RNF17: variants seen among roughly 807,000 people sequenced by gnomAD.
RNF17 encodes spermatogenesis associated 23.
RNF17 carries 31 observed loss-of-function variants against 200.5 expected under a neutral mutation model. That is an observed-to-expected ratio of 0.15 (90% CI 0.12 to 0.21). The LOEUF (loss-of-function observed/expected upper bound fraction) is 0.21. Ranked by LOEUF, RNF17 falls within the 10% of genes least tolerant of loss-of-function variation. RNF17 has a pLI of 1.00. For missense variants in RNF17, 1,628 were observed against 1,905.1 expected, an observed-to-expected ratio of 0.85 and a Z score of 2.71; for synonymous variants, 606 against 637.8, an observed-to-expected ratio of 0.95 and a Z score of 0.75.
chr13:24,818,350 A>G (rs1192479406), intron 15 of RNF17, among the ~76,000 whole-genome samples: 2 of 152,148 alleles, frequency 1.3e-5, no homozygotes, highest in African/African-American at 2.4e-5. Context: ...AAGAAAAGGT[A>G]TATTTTACTA....
intron 6 of RNF17, among the ~76,000 whole-genome samples, chr13:24,786,331 A>G (rs552127896): frequency 1.3e-5 from 2 of 152,224 alleles, no homozygotes; most frequent in African/African-American, 2.4e-5. Context: ...TATTTTTTCG[A>G]TGTCACAAAT....
chr13:24,753,805 C>T, the RNF17 span, among the ~76,000 whole-genome samples: 5 of 152,092 alleles, frequency 3.3e-5, no homozygotes, highest in Non-Finnish European at 7.4e-5. Context: ...GTTGCACATG[C>T]TGGAGTACAG....
downstream of RNF17, among the ~76,000 whole-genome samples, chr13:24,882,111 G>GATACATCTATATATATAGATACATCTAT (rs1566273412): frequency 4.4e-4 from 2 of 4,588 alleles, 1 homozygote; most frequent in African/African-American, 6.0e-4. Flanking sequence ...CATCTATATA[G>GATACATCTATATATATAGATACATCTAT]ATATATAGAT....
chr13:24,807,569 C>A (rs1313334784), intron 15 of RNF17, among the ~76,000 whole-genome samples: 1 of 152,048 alleles, frequency 6.6e-6, no homozygotes, highest in Non-Finnish European at 1.5e-5. Context: ...GAGTAGGTTG[C>A]GAAAATTTTC....
At chr13:24,872,651 G>C (rs1229025190) in intron 32 of RNF17, among the ~76,000 whole-genome samples, 1 of 152,142 alleles carries the variant, frequency 6.6e-6, no homozygotes, top group Non-Finnish European at 1.5e-5. Flanking sequence ...ACCAAGTAGA[G>C]TATGAAAAGA....
At chr13:24,858,876 A>T (rs1054886493) in intron 25 of RNF17, 125 bp from the exon 26 acceptor site, 2 of 612,540 alleles carry the variant, frequency 3.3e-6, no homozygotes, top group Non-Finnish European at 5.6e-6. Context: ...ACACACACAG[A>T]TTTTTACAAA....
the RNF17 span, among the ~76,000 whole-genome samples, chr13:24,748,752 T>TG: frequency 1.7e-5 from 2 of 121,002 alleles, no homozygotes; most frequent in South Asian, 2.8e-4. Flanking sequence ...TTTTGTTTTT[T>TG]GTTTTTTTTT....
At chr13:24,866,738 A>G (rs541271193) in intron 30 of RNF17, among the ~76,000 whole-genome samples, 145 of 72,488 alleles carry the variant, frequency 2.0e-3, no homozygotes, top group African/African-American at 7.0e-3. Context: ...CTGATCAGGT[A>G]CAAGTTTTTA....
In RNF17 at chr13:24,800,302, TG is replaced by T. The variant is rs1885091590; in HGVS notation, c.1590-59del. 4.3e-6 allele frequency: 5 copies of T among 1,162,332 alleles called. No individual in the cohort carries two copies. In the South Asian group the frequency reaches 8.9e-5, roughly 21 times the overall value. 72.0% of individuals were successfully genotyped at this position (1,162,332 alleles called of 1,614,324 possible). ...TATACTTAGAAATGCATACCTTCTG[TG>T]GGGGAAAACAAATTTAAGTTTGAAG... On this transcript the variant is annotated intron_variant, in intron 12 of 35. Transcript: ENST00000255324.
the RNF17 span, chr13:24,886,125 TAAAC>T: frequency 4.9e-5 from 20 of 409,912 alleles, no homozygotes; most frequent in Middle Eastern, 2.8e-3. Flanking sequence ...CATTACAAAA[TAAAC>T]ACGCCCCCAC....
Position 24,851,591 on chromosome 13 carries a change from A to AT in RNF17, c.3320+24dup. On this transcript the variant is annotated intron_variant, in intron 24 of 35. Transcript: ENST00000255324. Reference sequence around the variant, plus strand: ...AAGGAGGTATAGACTTTTTTAAAAAATTTTGACATCAGTTTGTGATGGATG... The same window carrying AT: ...AAGGAGGTATAGACTTTTTTAAAAAATTTTTGACATCAGTTTGTGATGGATG... 6.6e-7 allele frequency: 1 copy of AT among 1,519,612 alleles called. No individual in the cohort carries two copies. The highest frequency in any genetic ancestry group is 9.0e-7 in the Non-Finnish European group (1 of 1,107,480). The allele number at this position is 1,519,612 out of a possible 1,614,324, so 94.1% of individuals were successfully genotyped here. A position where few individuals can be genotyped will look rare whatever the true frequency, so the allele number is the denominator to read the frequency against.
chr13:24,764,614 A>G (rs940481871), intron 1 of RNF17, among the ~76,000 whole-genome samples: 1 of 151,960 alleles, frequency 6.6e-6, no homozygotes, highest in Non-Finnish European at 1.5e-5. Context: ...GCTTTAATCT[A>G]CTCCTCACAA....
At chr13:24,769,442 G>A (rs1252288579) in intron 2 of RNF17, among the ~76,000 whole-genome samples, 1 of 152,154 alleles carries the variant, frequency 6.6e-6, no homozygotes, top group African/African-American at 2.4e-5. Flanking sequence ...GTTAGCCGAG[G>A]TAATTGACAA....
At chr13:24,814,085 G>A (rs1291390084) in intron 15 of RNF17, among the ~76,000 whole-genome samples, 1 of 152,002 alleles carries the variant, frequency 6.6e-6, no homozygotes, top group Non-Finnish European at 1.5e-5. Flanking sequence ...CATTCTTAAA[G>A]TAAGCTAGAG....
At chr13:24,821,925 G>A (rs1888104447) in intron 15 of RNF17, among the ~76,000 whole-genome samples, 1 of 152,180 alleles carries the variant, frequency 6.6e-6, no homozygotes, top group African/African-American at 2.4e-5. Flanking sequence ...GGACACACAT[G>A]AGGAGTTTAG....
intron 33 of RNF17, 120 bp from the exon 34 acceptor site, chr13:24,876,877 G>A (rs911549288): frequency 2.7e-5 from 19 of 699,090 alleles, no homozygotes; most frequent in East Asian, 8.9e-5. Context: ...TTTTGGTGTC[G>A]TATCCAAAAA....
intron 2 of RNF17, among the ~76,000 whole-genome samples, chr13:24,769,164 T>C: frequency 6.6e-6 from 1 of 151,624 alleles, no homozygotes; most frequent in East Asian, 1.9e-4. Flanking sequence ...ACTGTCTGTG[T>C]CCATATCCGT....
intron 2 of RNF17, among the ~76,000 whole-genome samples, chr13:24,773,484 G>A (rs572514697): frequency 4.5e-4 from 68 of 152,294 alleles, no homozygotes; most frequent in Non-Finnish European, 7.1e-4. Flanking sequence ...TTCACTTCAA[G>A]TGGGAGCTAA....
chr13:24,861,710 T>A (rs1893119314), intron 27 of RNF17, among the ~76,000 whole-genome samples: 1 of 152,204 alleles, frequency 6.6e-6, no homozygotes, highest in Admixed American at 6.5e-5. Flanking sequence ...TCTTATTCTG[T>A]ATTGCTGCAT....
Sources: allele counts gnomAD v4.1 joint callset (sites outside exome capture counted in the v4.1 genomes callset), GRCh38; gene constraint gnomAD v4.1.1; transcripts MANE v1.5; gene names NCBI Gene and HGNC (gene_info 2026-07-23, HGNC 2026-07-21).